NPAS3: variants seen among roughly 807,000 people sequenced by gnomAD.
NPAS3 encodes neuronal PAS domain-containing protein 3.
NPAS3 carries 14 observed loss-of-function variants against 73.1 expected under a neutral mutation model. That is an observed-to-expected ratio of 0.19 (90% confidence interval 0.13 to 0.30). The LOEUF (loss-of-function observed/expected upper bound fraction) is 0.30, where lower values mean the gene tolerates loss of function less well. Ranked by LOEUF, NPAS3 falls within the 10% of genes least tolerant of loss-of-function variation. The probability of loss-of-function intolerance (pLI) is 1.00; values close to 1 mark genes in which losing one functional copy is unlikely to be tolerated. For missense variants in NPAS3, 1,096 were observed against 1,250.0 expected (o/e 0.88, Z 1.86); for synonymous variants, 620 against 541.5 (o/e 1.14, Z -2.01).
chr14:33,531,677 CCCTAGGGTAAATA>C (rs1364916117), intron 4 of NPAS3, among the ~76,000 whole-genome samples: 9 of 152,004 alleles, frequency 5.9e-5, no homozygotes, highest in African/African-American at 2.2e-4. Flanking sequence ...ACTTACATTT[CCCTAGGGTAAATA>C]CCTAGGAGTA....
At chr14:33,230,766 A>G (rs1385283764) in intron 3 of NPAS3, among the ~76,000 whole-genome samples, 1 of 152,186 alleles carries the variant, frequency 6.6e-6, no homozygotes, top group Non-Finnish European at 1.5e-5. Flanking sequence ...CTTTTAAAAT[A>G]TACGTTCTTT....
chr14:33,754,201 A>G (rs2062046576), intron 7 of NPAS3, among the ~76,000 whole-genome samples: 1 of 152,180 alleles, frequency 6.6e-6, no homozygotes, highest in African/African-American at 2.4e-5. Context: ...TTGCTGTCTA[A>G]TATTAGAGGG....
intron 3 of NPAS3, among the ~76,000 whole-genome samples, chr14:33,364,211 TTTAG>T (rs2045732754): frequency 6.6e-6 from 1 of 152,130 alleles, no homozygotes; most frequent in Non-Finnish European, 1.5e-5. Flanking sequence ...GAAATGCCCC[TTTAG>T]TTGTTTTAGA....
intron 3 of NPAS3, among the ~76,000 whole-genome samples, chr14:33,334,244 T>C (rs1011998756): frequency 1.3e-5 from 2 of 152,196 alleles, no homozygotes; most frequent in Non-Finnish European, 2.9e-5. Flanking sequence ...TTTTATATAC[T>C]GTGCAATTCA....
chr14:33,672,185 C>T (rs75124940), intron 5 of NPAS3, among the ~76,000 whole-genome samples: 2,743 of 152,266 alleles, frequency 0.018, 81 homozygotes, highest in African/African-American at 0.06. Context: ...TAAAGAGTTT[C>T]TTAAAACCTG....
intron 4 of NPAS3, among the ~76,000 whole-genome samples, chr14:33,461,626 G>C (rs544544184): frequency 6.6e-6 from 1 of 152,324 alleles, no homozygotes; most frequent in South Asian, 2.1e-4. Flanking sequence ...CTACGTGACT[G>C]TTAGCCTTAA....
intron 5 of NPAS3, among the ~76,000 whole-genome samples, chr14:33,562,814 A>C (rs2055714178): frequency 6.6e-6 from 1 of 152,028 alleles, no homozygotes; most frequent in Non-Finnish European, 1.5e-5. Flanking sequence ...AAGTTTCATC[A>C]ATGCCCTTTT....
At chr14:33,113,731 T>C (rs1210087633) in intron 2 of NPAS3, among the ~76,000 whole-genome samples, 4 of 152,222 alleles carry the variant, frequency 2.6e-5, no homozygotes, top group Non-Finnish European at 5.9e-5. Flanking sequence ...AGAGAGGGCA[T>C]CCCTGTCTTG....
chr14:33,118,176 C>T (rs986278140), intron 2 of NPAS3, among the ~76,000 whole-genome samples: 8 of 151,664 alleles, frequency 5.3e-5, no homozygotes, highest in African/African-American at 1.9e-4. Context: ...CATTGTATTT[C>T]ATATACTCAA....
At chr14:33,002,861 A>C (rs1445028977) in intron 1 of NPAS3, among the ~76,000 whole-genome samples, 1 of 152,132 alleles carries the variant, frequency 6.6e-6, no homozygotes. Context: ...CTGATTGCAG[A>C]GTTAGGAGAC....
At chr14:33,781,827 C>A (rs1378311976) in intron 9 of NPAS3, among the ~76,000 whole-genome samples, 2 of 151,968 alleles carry the variant, frequency 1.3e-5, no homozygotes, top group African/African-American at 4.8e-5. Context: ...ATCTTTTTTC[C>A]TTGCCTAGGC....
chr14:33,323,082 G>C (rs1349265280), intron 3 of NPAS3, among the ~76,000 whole-genome samples: 1 of 152,132 alleles, frequency 6.6e-6, no homozygotes, highest in African/African-American at 2.4e-5. Context: ...AAGTTTGCCT[G>C]GCTTACAGTA....
At chr14:33,274,559 C>G (rs1386192588) in intron 3 of NPAS3, among the ~76,000 whole-genome samples, 1 of 152,130 alleles carries the variant, frequency 6.6e-6, no homozygotes, top group Non-Finnish European at 1.5e-5. Context: ...AGACCCATCC[C>G]CTTCTCATAT....
intron 5 of NPAS3, among the ~76,000 whole-genome samples, chr14:33,659,383 T>C (rs541143529): frequency 2.6e-5 from 4 of 152,320 alleles, no homozygotes; most frequent in South Asian, 4.1e-4. Flanking sequence ...ATTAGGAACA[T>C]GTAAGAGCGT....
intron 2 of NPAS3, chr14:33,214,945 T>TA: frequency 1.9e-6 from 1 of 527,102 alleles, no homozygotes; most frequent in Non-Finnish European, 3.4e-6. Flanking sequence ...AAAAAAACCT[T>TA]AACAAGTAAA....
intron 2 of NPAS3, among the ~76,000 whole-genome samples, chr14:33,155,417 G>A (rs541271960): frequency 6.6e-6 from 1 of 152,236 alleles, no homozygotes; most frequent in Admixed American, 6.5e-5. Context: ...GGAGGAACTG[G>A]GTATCTCTCT....
At chr14:33,250,262 T>G (rs1469290925) in intron 3 of NPAS3, among the ~76,000 whole-genome samples, 2 of 152,020 alleles carry the variant, frequency 1.3e-5, no homozygotes, top group Admixed American at 1.3e-4. Flanking sequence ...AACCTAGTGA[T>G]GTTGGTAGGG....
chr14:33,585,146 CTG>C lies in NPAS3; in HGVS notation c.558+24938_558+24939del, dbSNP rs201655014. The stretch of plus-strand genomic sequence containing the variant: ...TACAGGATGAAATGCAAGAAAGAAA[CTG>C]TCATAGGAGAGACCCGAATAGAGCC... On this transcript the variant is annotated intron_variant, in intron 5 of 11. Coordinates refer to ENST00000356141, the Ensembl canonical transcript of NPAS3. 8.8e-3 allele frequency among the ~76,000 whole-genome samples: 1,333 copies of C among 151,620 alleles called. 27 individuals are homozygous for C. Among genetic ancestry groups the C allele is most frequent in the African/African-American group, 0.03 (1,257 of 41,258 alleles).
intron 3 of NPAS3, among the ~76,000 whole-genome samples, chr14:33,232,475 G>A (rs929009493): frequency 2.6e-5 from 4 of 152,096 alleles, no homozygotes; most frequent in Admixed American, 6.6e-5. Flanking sequence ...GATGACTTGC[G>A]CAGTGTTAAG....
Sources: allele counts gnomAD v4.1 joint callset (sites outside exome capture counted in the v4.1 genomes callset), GRCh38; gene constraint gnomAD v4.1.1; transcripts MANE v1.5; gene names NCBI Gene and HGNC (gene_info 2026-07-23, HGNC 2026-07-21).